FARP2: variants seen among roughly 807,000 people sequenced by gnomAD.
FARP2 encodes the protein FERM, ARHGEF and pleckstrin domain-containing protein 2.
In FARP2, 111 loss-of-function variants were observed where a neutral mutation model predicts 130.5. That is an observed-to-expected ratio of 0.85 (90% CI 0.73 to 1.00). FARP2 has a LOEUF of 1.00. Among genes scored for constraint, FARP2 ranks in the 50% least tolerant of loss-of-function variants. The pLI is 0.00. For synonymous variants in FARP2, 504 were observed against 516.9 expected, an observed-to-expected ratio of 0.98 and a Z score of 0.34; for missense variants, 1,385 against 1,346.3, an observed-to-expected ratio of 1.03 and a Z score of -0.45.
rs1368077676 is a variant in FARP2, at chr2:241,413,356, G to A, written c.558G>A (p.Val186=). 4.3e-6 allele frequency: 7 copies of A among 1,612,696 alleles called. No homozygotes were observed. The highest frequency in any genetic ancestry group is 5.9e-6 in the Non-Finnish European group (7 of 1,179,626). Residue 186 remains valine, a synonymous_variant, in exon 7 of 27, where the codon GTG becomes GTA. Coordinates refer to ENST00000264042, the MANE Select transcript of FARP2 (RefSeq NM_014808.4). ...DETLDREHLK[V]NEYLPGQQHC... ...CGCTGGACCGAGAGCACCTCAAAGT[G>A]AACGAGTATTTGCCTGGCCAGCAGC...
At chr2:241,460,642 T>C (rs1001697814) in intron 14 of FARP2, among the ~76,000 whole-genome samples, 6 of 152,162 alleles carry the variant, frequency 3.9e-5, no homozygotes, top group African/African-American at 1.4e-4. Context: ...AACCTTTCAT[T>C]TGAAAGATAA....
intron 1 of FARP2, among the ~76,000 whole-genome samples, chr2:241,364,771 T>A (rs572648838): frequency 1.1e-4 from 16 of 152,366 alleles, no homozygotes; most frequent in African/African-American, 3.8e-4. Flanking sequence ...TTAATCTTTT[T>A]AATACTTTTC....
intron 1 of FARP2, among the ~76,000 whole-genome samples, chr2:241,361,016 C>A (rs953490816): frequency 1.4e-5 from 2 of 144,978 alleles, no homozygotes; most frequent in Non-Finnish European, 3.0e-5. Context: ...TCGCACAATT[C>A]CATTCAAAAA....
At chr2:241,448,467 A>G (rs2063566807) in intron 13 of FARP2, among the ~76,000 whole-genome samples, 1 of 152,218 alleles carries the variant, frequency 6.6e-6, no homozygotes, top group Non-Finnish European at 1.5e-5. Context: ...GTTTACTTTA[A>G]TAGTTTGTTT....
chr2:241,396,799 A>T (rs2062041002), intron 2 of FARP2, among the ~76,000 whole-genome samples: 2 of 151,946 alleles, frequency 1.3e-5, no homozygotes, highest in African/African-American at 2.4e-5. Context: ...ATCTAGAACT[A>T]GAAATACCAT....
intron 19 of FARP2, among the ~76,000 whole-genome samples, chr2:241,476,583 G>A (rs972379672): frequency 1.1e-4 from 17 of 152,192 alleles, no homozygotes; most frequent in Admixed American, 3.9e-4. Flanking sequence ...CAGCTACGCA[G>A]GAGGCTGAGG....
chr2:241,386,547 C>T (rs1575486765), intron 2 of FARP2, among the ~76,000 whole-genome samples: 1 of 152,290 alleles, frequency 6.6e-6, no homozygotes, highest in South Asian at 2.1e-4. Flanking sequence ...GATTGGTTAG[C>T]GATTGTCAAA....
chr2:241,372,970 T>G, intron 1 of FARP2, 114 bp from the exon 2 acceptor site: 1 of 456,472 alleles, frequency 2.2e-6, no homozygotes, highest in Non-Finnish European at 3.7e-6. Context: ...CTCACAGAAG[T>G]TGCAGTAATA....
intron 2 of FARP2, among the ~76,000 whole-genome samples, chr2:241,391,192 C>G (rs1356372534): frequency 6.6e-6 from 1 of 152,208 alleles, no homozygotes; most frequent in Non-Finnish European, 1.5e-5. Context: ...CTAAGCTACT[C>G]TTCTGTTTTG....
intron 17 of FARP2, among the ~76,000 whole-genome samples, chr2:241,467,114 G>A (rs1046739917): frequency 3.9e-5 from 6 of 151,956 alleles, no homozygotes; most frequent in Admixed American, 3.9e-4. Flanking sequence ...AATTAGCTGG[G>A]TGTGGTGGTG....
At chr2:241,421,864 C>T (rs2062817449) in intron 8 of FARP2, among the ~76,000 whole-genome samples, 1 of 152,182 alleles carries the variant, frequency 6.6e-6, no homozygotes, top group African/African-American at 2.4e-5. Flanking sequence ...AAACAACAGG[C>T]CAGGCGTAGT....
rs114575903 is a variant in FARP2 at position 241,380,906 on chromosome 2, G to A, written c.183+7616G>A. ...GTTGAACATGCCCTGCCTCCACTGA[G>A]CAGGTTCTTCTGGGCCTCCATGACC... is the stretch of plus-strand genomic sequence containing the variant. On this transcript the variant is annotated intron_variant, in intron 2 of 26. Transcript: ENST00000264042. Among the ~76,000 whole-genome samples the A allele has an allele frequency of 7.1e-3, 1,075 of 152,166 alleles. 4 individuals are homozygous for A. Among genetic ancestry groups the A allele is most frequent in the African/African-American group, 0.023 (947 of 41,488 alleles).
chr2:241,483,562 T>G, intron 20 of FARP2, 29 bp downstream of exon 20: 1 of 1,602,362 alleles, frequency 6.2e-7, no homozygotes, highest in Non-Finnish European at 8.6e-7. Context: ...CAAGCTGTGC[T>G]TCCCCCCGAG....
Position 241,468,355 on chromosome 2 carries a change from C to A in FARP2, c.2109C>A (p.His703Gln), listed in dbSNP as rs1021028200. 1 of 1,613,022 alleles carries A rather than the reference C, an allele frequency of 6.2e-7. No individual in the cohort carries two copies. Among genetic ancestry groups the A allele is most frequent in the Admixed American group, 1.7e-5 (1 of 60,022 alleles). The change falls in exon 18 of 27, where the codon CAC (histidine) becomes CAA (glutamine). Residue 703 changes from histidine to glutamine, a missense_variant. Coordinates refer to ENST00000264042, the MANE Select transcript of FARP2 (RefSeq NM_014808.4). ...RRLCGHYSPG[H>Q]HDYADCHDAL... ...TATGCGGACATTACAGCCCCGGGCA[C>A]CATGACTACGCTGACTGCCATGGTG...
chr2:241,375,779 GAC>G (rs1451157029), intron 2 of FARP2, among the ~76,000 whole-genome samples: 1 of 151,314 alleles, frequency 6.6e-6, no homozygotes, highest in African/African-American at 2.4e-5. Context: ...TTTTTTAAGA[GAC>G]AGGATCTTGC....
chr2:241,436,484 G>C lies in FARP2; in HGVS notation c.1104G>C (p.Arg368Ser). The C allele has an allele frequency of 6.2e-7, 1 of 1,614,176 alleles. No homozygotes were observed. The highest frequency in any genetic ancestry group is 8.5e-7 in the Non-Finnish European group (1 of 1,180,028). ...SGMKRIPYER[R>S]HSKTHTSVRA... ...CAGCTCGTCCTCTGTTTTGCAGAAG[G>C]CACAGCAAGACCCACACGTCCGTTC... Residue 368 changes from arginine (R) to serine (S), a missense_variant, in exon 12 of 27, where the codon AGG (arginine) becomes AGC (serine). Transcript: ENST00000264042.
chr2:241,414,459 A>G (rs1036543398), intron 7 of FARP2, among the ~76,000 whole-genome samples: 1 of 152,168 alleles, frequency 6.6e-6, no homozygotes, highest in Non-Finnish European at 1.5e-5. Context: ...GTGTGTCGTT[A>G]AGGCTCTACC....
chr2:241,404,738 A>G (rs2062286261), intron 3 of FARP2, 61 bp from the exon 4 acceptor site: 1 of 1,316,234 alleles, frequency 7.6e-7, no homozygotes, highest in Non-Finnish European at 1.1e-6. Context: ...TTTTTATAGC[A>G]TACTTGTTAA....
intron 2 of FARP2, among the ~76,000 whole-genome samples, chr2:241,397,137 G>A (rs188715893): frequency 6.6e-6 from 1 of 152,098 alleles, no homozygotes; most frequent in Admixed American, 6.6e-5. Flanking sequence ...TGAACAGTGA[G>A]AACACGTGGA....
Sources: gnomAD v4.1 joint callset for allele counts (sites outside exome capture counted in the v4.1 genomes callset) on GRCh38, gnomAD v4.1.1 for gene constraint, MANE v1.5 for transcripts, NCBI Gene and HGNC (gene_info 2026-07-23, HGNC 2026-07-21) for gene names.